The following ITIH5 variants were observed in gnomAD, a reference collection of about 807,000 sequenced individuals.
The protein encoded by ITIH5 is inter-alpha-trypsin inhibitor heavy chain H5.
ITIH5 carries 65 observed loss-of-function variants against 77.5 expected under a neutral mutation model. The ratio of observed to expected loss-of-function variants is 0.84; its 90% CI spans 0.69 to 1.03. The LOEUF (loss-of-function observed/expected upper bound fraction) is 1.03. ITIH5 is among the 50% of genes least tolerant of loss of function. The pLI is 0.00. For synonymous variants in ITIH5, 525 were observed against 494.3 expected (o/e 1.06, Z -0.82); for missense variants, 1,208 against 1,213.1 (o/e 1.00, Z 0.06).
At chr10:7,573,114 C>T in intron 11 of ITIH5, 28 bp downstream of exon 11, 1 of 1,604,022 alleles carries the variant, frequency 6.2e-7, no homozygotes, top group Non-Finnish European at 8.5e-7. Flanking sequence ...TACTCTCAAT[C>T]CACACACAAC....
chr10:7,596,774 G>A (rs1832906672), intron 7 of ITIH5, among the ~76,000 whole-genome samples: 1 of 152,022 alleles, frequency 6.6e-6, no homozygotes, highest in Admixed American at 6.5e-5. Context: ...GGGTGCAGTG[G>A]CTCATGCCTG....
intron 1 of ITIH5, among the ~76,000 whole-genome samples, chr10:7,662,603 C>A (rs1382713563): frequency 6.6e-6 from 1 of 152,184 alleles, no homozygotes; most frequent in Admixed American, 6.5e-5. Context: ...TGTGAGCATC[C>A]AAGGACTTGG....
chr10:7,595,847 T>C (rs1051713312), intron 7 of ITIH5, among the ~76,000 whole-genome samples: 1 of 151,776 alleles, frequency 6.6e-6, no homozygotes. Context: ...TCTCTACTAA[T>C]AATACAAAAA....
At chr10:7,568,829 T>C (rs117457200) in intron 12 of ITIH5, among the ~76,000 whole-genome samples, 4,284 of 152,252 alleles carry the variant, frequency 0.028, 86 homozygotes, top group South Asian at 0.047. Flanking sequence ...CCTTTGTCCA[T>C]ACATGTTCAC....
intron 6 of ITIH5, among the ~76,000 whole-genome samples, chr10:7,616,776 C>T (rs1318604097): frequency 2.0e-5 from 3 of 151,980 alleles, no homozygotes; most frequent in Non-Finnish European, 2.9e-5. Flanking sequence ...TGCAGTGAGC[C>T]GAGATCGGCC....
At chr10:7,565,269 CTG>C (rs1158900290) in intron 13 of ITIH5, among the ~76,000 whole-genome samples, 10 of 147,038 alleles carry the variant, frequency 6.8e-5, no homozygotes, top group Admixed American at 1.4e-4. Context: ...TATACACAGA[CTG>C]TACATATATA....
intron 7 of ITIH5, among the ~76,000 whole-genome samples, chr10:7,606,853 A>T (rs1207567902): frequency 2.0e-5 from 3 of 152,210 alleles, no homozygotes; most frequent in African/African-American, 7.2e-5. Context: ...GGTGCCTCTA[A>T]TTTATTTTAA....
At chr10:7,638,766 C>T (rs982777) in intron 4 of ITIH5, among the ~76,000 whole-genome samples, 61,290 of 151,990 alleles carry the variant, frequency 0.4, 13,509 homozygotes, top group African/African-American at 0.57. Context: ...GGCTGAAAAG[C>T]AATGAAAGTA....
At chr10:7,597,920 TC>T (rs1832939133) in intron 7 of ITIH5, among the ~76,000 whole-genome samples, 1 of 151,612 alleles carries the variant, frequency 6.6e-6, no homozygotes, top group Non-Finnish European at 1.5e-5. Context: ...TTTTTTTTAA[TC>T]CCCAGTCTTA....
At chr10:7,650,615 A>G (rs960277100) in intron 2 of ITIH5, among the ~76,000 whole-genome samples, 3 of 152,060 alleles carry the variant, frequency 2.0e-5, no homozygotes, top group Non-Finnish European at 4.4e-5. Flanking sequence ...GGGTGCCCAT[A>G]ATCCCAGCTA....
chr10:7,644,566 GAT>G (rs1412330046), intron 2 of ITIH5, among the ~76,000 whole-genome samples: 1,877 of 70,960 alleles, frequency 0.026, 67 homozygotes, highest in Non-Finnish European at 0.035. Context: ...ACATATATAT[GAT>G]ATATATCACA....
chr10:7,648,922 G>A (rs935934993), intron 2 of ITIH5, among the ~76,000 whole-genome samples: 2 of 152,120 alleles, frequency 1.3e-5, no homozygotes, highest in African/African-American at 4.8e-5. Flanking sequence ...AAAGGTTCAA[G>A]AAACTATTTT....
chr10:7,599,923 C>T (rs1229780295), intron 7 of ITIH5, among the ~76,000 whole-genome samples: 14 of 152,126 alleles, frequency 9.2e-5, no homozygotes, highest in Admixed American at 4.6e-4. Flanking sequence ...AGACTGGAGA[C>T]GGAGATTTCT....
intron 10 of ITIH5, among the ~76,000 whole-genome samples, chr10:7,574,609 C>G (rs575395964): frequency 6.6e-6 from 1 of 151,700 alleles, no homozygotes; most frequent in Non-Finnish European, 1.5e-5. Flanking sequence ...CTGGCTAACA[C>G]GGTGAAACCC....
intron 11 of ITIH5, chr10:7,571,457 C>T (rs900195347): frequency 6.6e-6 from 1 of 152,128 alleles, no homozygotes; most frequent in African/African-American, 2.4e-5. Flanking sequence ...CACTCTGTCA[C>T]CCAGGCTGGA....
At chr10:7,649,063 C>A (rs1051734770) in intron 2 of ITIH5, among the ~76,000 whole-genome samples, 10 of 152,238 alleles carry the variant, frequency 6.6e-5, no homozygotes, top group African/African-American at 2.4e-4. Flanking sequence ...ACGAGTCTAT[C>A]CCCCTCCCAG....
rs1007103897 is a variant in ITIH5, at chr10:7,559,325, G to C, written c.*3758C>G. On this transcript the variant is annotated 3_prime_UTR_variant, in exon 14 of 14. Transcript: ENST00000397146. ...ACAGCTCCAATTCCATTTTCCCTTA[G>C]AAAAATAAACAGACCAATATGTTGT... 6.6e-6 allele frequency: 1 copy of C among 152,148 alleles called. No homozygotes were observed. The highest frequency in any genetic ancestry group is 2.4e-5 in the African/African-American group (1 of 41,392). The allele number at this position is 152,148 out of a possible 1,614,324, so 9.4% of individuals were successfully genotyped here. A position where few individuals can be genotyped will look rare whatever the true frequency, so the allele number is the denominator to read the frequency against.
At chr10:7,587,979 G>T (rs10905194) in intron 7 of ITIH5, among the ~76,000 whole-genome samples, 45,437 of 152,010 alleles carry the variant, frequency 0.3, 7,262 homozygotes, top group East Asian at 0.49. Flanking sequence ...CTCCTCAGCC[G>T]CCTTTCAATC....
chr10:7,648,960 T>C (rs1834048648), intron 2 of ITIH5, among the ~76,000 whole-genome samples: 1 of 152,186 alleles, frequency 6.6e-6, no homozygotes. Flanking sequence ...CCAGCTACAA[T>C]TCTCCCAGGA....
Sources: allele counts gnomAD v4.1 joint callset (sites outside exome capture counted in the v4.1 genomes callset), GRCh38; gene constraint gnomAD v4.1.1; transcripts MANE v1.5; gene names NCBI Gene and HGNC (gene_info 2026-07-23, HGNC 2026-07-21).